PRKCB: variants seen among roughly 807,000 people sequenced by gnomAD.
PRKCB encodes the protein protein kinase C beta type.
A neutral mutation model predicts 81.5 loss-of-function variants in PRKCB; 13 were observed. The observed-to-expected ratio is 0.16, with a 90% confidence interval of 0.10 to 0.25. The LOEUF is 0.25. Ranked by LOEUF, PRKCB falls within the 10% of genes least tolerant of loss-of-function variation. The pLI, the probability that PRKCB is intolerant of heterozygous loss-of-function variation, is 1.00. For missense variants in PRKCB, 509 were observed against 875.7 expected (o/e 0.58, Z 5.29); for synonymous variants, 335 against 321.4 (o/e 1.04, Z -0.45).
chr16:24,033,069 C>T (rs1349310727), intron 4 of PRKCB, among the ~76,000 whole-genome samples: 1 of 152,152 alleles, frequency 6.6e-6, no homozygotes, highest in Non-Finnish European at 1.5e-5. Context: ...GAGGCCAAGG[C>T]CCGGATGGCC....
intron 10 of PRKCB, among the ~76,000 whole-genome samples, chr16:24,168,647 C>T (rs1967388546): frequency 7.1e-6 from 1 of 139,992 alleles, no homozygotes; most frequent in Non-Finnish European, 1.5e-5. Flanking sequence ...AACTCCTGGG[C>T]TCAAGCGATC....
chr16:24,209,873 G>T (rs1236827114), intron 16 of PRKCB, among the ~76,000 whole-genome samples: 10 of 151,928 alleles, frequency 6.6e-5, no homozygotes, highest in Non-Finnish European at 8.8e-5. Flanking sequence ...GGAGGCTGAG[G>T]TGGGAGGATC....
At chr16:24,187,885 T>C (rs1297110105) in intron 15 of PRKCB, among the ~76,000 whole-genome samples, 2 of 152,230 alleles carry the variant, frequency 1.3e-5, no homozygotes, top group African/African-American at 4.8e-5. Context: ...ATCTCTGGGC[T>C]TCTGTTTATT....
chr16:24,068,272 T>G (rs73544682), intron 5 of PRKCB, among the ~76,000 whole-genome samples: 11,522 of 152,154 alleles, frequency 0.076, 636 homozygotes, highest in African/African-American at 0.13. Context: ...AAGAGAAAAA[T>G]CAATGCCTAG....
intron 3 of PRKCB, among the ~76,000 whole-genome samples, chr16:24,016,829 G>A (rs1166788592): frequency 1.3e-5 from 2 of 152,056 alleles, no homozygotes; most frequent in Non-Finnish European, 2.9e-5. Context: ...ACCCAGCTCT[G>A]CACAATTCCT....
intron 12 of PRKCB, among the ~76,000 whole-genome samples, chr16:24,176,958 G>A (rs1301657948): frequency 1.3e-5 from 2 of 151,454 alleles, no homozygotes; most frequent in African/African-American, 2.4e-5. Context: ...TCAAGCCGAT[G>A]ACTTCAGCTG....
intron 2 of PRKCB, among the ~76,000 whole-genome samples, chr16:23,864,536 A>G (rs1962738806): frequency 1.3e-5 from 2 of 152,172 alleles, no homozygotes; most frequent in African/African-American, 4.8e-5. Context: ...ACAAACAAAC[A>G]AAATAAGAGG....
intron 7 of PRKCB, among the ~76,000 whole-genome samples, chr16:24,097,586 A>G (rs1966460441): frequency 6.6e-6 from 1 of 152,190 alleles, no homozygotes; most frequent in African/African-American, 2.4e-5. Flanking sequence ...ATCAGTTTAG[A>G]AAGTTTATTT....
At chr16:24,129,686 T>G (rs1452483466) in intron 9 of PRKCB, among the ~76,000 whole-genome samples, 1 of 149,964 alleles carries the variant, frequency 6.7e-6, no homozygotes, top group South Asian at 2.2e-4. Flanking sequence ...CTGTCTATCT[T>G]ATTATCTATC....
At chr16:23,965,239 G>A (rs891723311) in intron 2 of PRKCB, among the ~76,000 whole-genome samples, 2 of 152,210 alleles carry the variant, frequency 1.3e-5, no homozygotes, top group Non-Finnish European at 2.9e-5. Flanking sequence ...GTGAGAATAT[G>A]CAGCATTTGG....
intron 2 of PRKCB, among the ~76,000 whole-genome samples, chr16:23,890,329 G>A (rs1024258981): frequency 2.6e-5 from 4 of 152,210 alleles, no homozygotes; most frequent in African/African-American, 9.6e-5. Flanking sequence ...CTGTAAGATG[G>A]TCTTTGGCCA....
At chr16:24,212,672 G>A (rs941559095) in intron 16 of PRKCB, among the ~76,000 whole-genome samples, 25 of 151,696 alleles carry the variant, frequency 1.6e-4, no homozygotes, top group African/African-American at 6.0e-4. Context: ...TTGCCATGTT[G>A]GTCAGGCTGG....
chr16:24,029,290 G>A (rs1965521691), intron 3 of PRKCB, among the ~76,000 whole-genome samples: 1 of 152,224 alleles, frequency 6.6e-6, no homozygotes, highest in Non-Finnish European at 1.5e-5. Flanking sequence ...ATCCACACAT[G>A]TCAAGGGAGA....
chr16:24,191,692 C>G (rs912881523), intron 16 of PRKCB: 1 of 152,842 alleles, frequency 6.5e-6, no homozygotes, highest in African/African-American at 2.4e-5. Context: ...ATGTCTGAGT[C>G]AGTAAATAAG....
intron 3 of PRKCB, among the ~76,000 whole-genome samples, chr16:24,017,909 T>TTTC (rs1965302889): frequency 6.8e-6 from 1 of 147,028 alleles, no homozygotes; most frequent in African/African-American, 2.5e-5. Flanking sequence ...TTTTTTTTTT[T>TTTC]TTTTTTTTAG....
At chr16:23,988,942 T>C (rs1964837214) in intron 3 of PRKCB, among the ~76,000 whole-genome samples, 1 of 152,034 alleles carries the variant, frequency 6.6e-6, no homozygotes, top group Non-Finnish European at 1.5e-5. Flanking sequence ...AGGGTGTTCT[T>C]TCTTTTGTTA....
In PRKCB at chr16:24,195,652, T is replaced by A. The variant is rs550093971; in HGVS notation, c.1863+4422T>A. ...TGAAACTGTATTGAAATACACTAGA[T>A]TTGGTGTATTGTTGCAGGGAACAAG... On this transcript the variant is annotated intron_variant, in intron 16 of 16. Transcript: ENST00000643927. Among the ~76,000 whole-genome samples, 6 of 152,266 alleles carry A rather than the reference T, an allele frequency of 3.9e-5. No individual in the cohort carries two copies. The East Asian group carries it at 1.2e-3, about 29-fold the overall frequency.
At chr16:23,997,020 A>G (rs1180234427) in intron 3 of PRKCB, among the ~76,000 whole-genome samples, 2 of 152,052 alleles carry the variant, frequency 1.3e-5, no homozygotes, top group African/African-American at 4.8e-5. Flanking sequence ...CACCAGCAAA[A>G]TTTTGCTTTC....
At chr16:23,939,444 A>G (rs1228916714) in intron 2 of PRKCB, among the ~76,000 whole-genome samples, 2 of 152,232 alleles carry the variant, frequency 1.3e-5, no homozygotes, top group Admixed American at 6.5e-5. Flanking sequence ...TTGAAGAAGT[A>G]GAATAAAATG....
Sources: allele counts gnomAD v4.1 joint callset (sites outside exome capture counted in the v4.1 genomes callset), GRCh38; gene constraint gnomAD v4.1.1; transcripts MANE v1.5; gene names NCBI Gene and HGNC (gene_info 2026-07-23, HGNC 2026-07-21).